SNX24: variants seen among roughly 807,000 people sequenced by gnomAD.
SNX24 encodes sorting nexin-24.
SNX24 carries 22 observed loss-of-function variants against 28.7 expected under a neutral mutation model. The ratio of observed to expected loss-of-function variants is 0.77; its 90% confidence interval spans 0.55 to 1.10. SNX24 has a LOEUF of 1.10. SNX24 is among the 50% of genes least tolerant of loss of function. The pLI, the probability that SNX24 is intolerant of heterozygous loss-of-function variation, is 0.00. For synonymous variants in SNX24, 69 were observed against 71.5 expected, an observed-to-expected ratio of 0.96 and a Z score of 0.18; for missense variants, 221 against 201.1, an observed-to-expected ratio of 1.10 and a Z score of -0.60.
chr5:122,938,328 T>A (rs577819924), intron 2 of SNX24, among the ~76,000 whole-genome samples: 1 of 152,324 alleles, frequency 6.6e-6, no homozygotes, highest in East Asian at 1.9e-4. Flanking sequence ...AATCCTAGAT[T>A]TTCCAGGATT....
chr5:122,888,185 G>T (rs1356269979), intron 1 of SNX24, among the ~76,000 whole-genome samples: 1 of 151,814 alleles, frequency 6.6e-6, no homozygotes, highest in East Asian at 1.9e-4. Context: ...TTGATTATTT[G>T]TTGACTGTTC....
intron 3 of SNX24, among the ~76,000 whole-genome samples, chr5:122,964,892 A>T (rs1478331108): frequency 1.3e-5 from 2 of 152,178 alleles, no homozygotes; most frequent in Non-Finnish European, 2.9e-5. Flanking sequence ...AATATCCTAT[A>T]CTGTGGATGC....
chr5:122,936,103 A>G (rs1395518095), intron 1 of SNX24, among the ~76,000 whole-genome samples: 5 of 152,228 alleles, frequency 3.3e-5, no homozygotes, highest in Non-Finnish European at 5.9e-5. Context: ...TAGTGCACCC[A>G]GAGAACCTTT....
At chr5:122,873,051 C>T (rs902691519) in intron 1 of SNX24, among the ~76,000 whole-genome samples, 5 of 152,116 alleles carry the variant, frequency 3.3e-5, no homozygotes, top group Non-Finnish European at 7.4e-5. Flanking sequence ...ACTGCAACCT[C>T]GACCTTCCAG....
Position 122,845,775 on chromosome 5 carries a change from C to T in SNX24, c.60+82C>T, listed in dbSNP as rs993012927. ...CCCAGGAAACACCCTTGGCCGCCGC[C>T]GCCTTGGCGCAGGGGGTCCCCTCGT... On this transcript the variant is annotated intron_variant, in intron 1 of 6. Transcript: ENST00000261369. 17 of 821,548 alleles carry T rather than the reference C, an allele frequency of 2.1e-5. No individual in the cohort carries two copies. The South Asian group carries it at 6.5e-4, about 31-fold the overall frequency. 50.9% of individuals were successfully genotyped at this position (821,548 alleles called of 1,614,324 possible). A position where few individuals can be genotyped will look rare whatever the true frequency, so the allele number is the denominator to read the frequency against.
chr5:122,975,011 C>T (rs573600505), intron 3 of SNX24, among the ~76,000 whole-genome samples: 7 of 152,180 alleles, frequency 4.6e-5, no homozygotes, highest in Non-Finnish European at 1.0e-4. Context: ...CCTCCGTAAG[C>T]CCCTACTTTA....
chr5:122,887,825 C>G (rs1370079186), intron 1 of SNX24, among the ~76,000 whole-genome samples: 2 of 152,170 alleles, frequency 1.3e-5, no homozygotes, highest in African/African-American at 4.8e-5. Context: ...GCTTCAGCCT[C>G]TGGAGTATCT....
chr5:122,898,268 C>T (rs977170468), intron 1 of SNX24, among the ~76,000 whole-genome samples: 1 of 152,180 alleles, frequency 6.6e-6, no homozygotes, highest in Non-Finnish European at 1.5e-5. Flanking sequence ...ACCCTATTTT[C>T]CCTGATACAC....
chr5:123,007,206 C>T (rs537495162), intron 6 of SNX24, among the ~76,000 whole-genome samples: 1 of 152,324 alleles, frequency 6.6e-6, no homozygotes, highest in South Asian at 2.1e-4. Context: ...TTACTGCTCT[C>T]TTTCGAAGCT....
chr5:122,909,068 T>C (rs1757769242), intron 1 of SNX24, among the ~76,000 whole-genome samples: 2 of 152,142 alleles, frequency 1.3e-5, no homozygotes, highest in African/African-American at 2.4e-5. Flanking sequence ...AATACTGTTA[T>C]AAAAAGACAT....
chr5:122,869,720 T>C (rs533702305), intron 1 of SNX24, among the ~76,000 whole-genome samples: 1 of 152,348 alleles, frequency 6.6e-6, no homozygotes, highest in Admixed American at 6.5e-5. Flanking sequence ...ATCTCATAAT[T>C]TGTATGGAAA....
At chr5:122,854,377 G>A (rs1046951772) in intron 1 of SNX24, among the ~76,000 whole-genome samples, 4 of 151,790 alleles carry the variant, frequency 2.6e-5, no homozygotes, top group Non-Finnish European at 5.9e-5. Flanking sequence ...GCGTGGTGGC[G>A]GGTGCCTGTA....
chr5:122,869,725 T>C (rs1755887530), intron 1 of SNX24, among the ~76,000 whole-genome samples: 1 of 152,236 alleles, frequency 6.6e-6, no homozygotes, highest in Non-Finnish European at 1.5e-5. Context: ...ATAATTTGTA[T>C]GGAAATCAAA....
chr5:122,883,649 CT>C (rs971891166), intron 1 of SNX24, among the ~76,000 whole-genome samples: 3 of 151,144 alleles, frequency 2.0e-5, no homozygotes, highest in Non-Finnish European at 4.4e-5. Flanking sequence ...ATTATTTATT[CT>C]TTTTTTTTGT....
chr5:122,988,881 A>C (rs1761711738), intron 3 of SNX24, among the ~76,000 whole-genome samples: 1 of 152,102 alleles, frequency 6.6e-6, no homozygotes, highest in Non-Finnish European at 1.5e-5. Context: ...CATGAACCTA[A>C]TTGCTTTTTT....
intron 2 of SNX24, among the ~76,000 whole-genome samples, chr5:122,937,271 G>A (rs1759219858): frequency 6.6e-6 from 1 of 152,118 alleles, no homozygotes; most frequent in Non-Finnish European, 1.5e-5. Context: ...ACATATACAT[G>A]TACTTGTATA....
At chr5:122,973,344 A>G (rs749767988) in intron 3 of SNX24, among the ~76,000 whole-genome samples, 6 of 152,210 alleles carry the variant, frequency 3.9e-5, no homozygotes, top group Admixed American at 6.5e-5. Flanking sequence ...AGTTCTGCCC[A>G]CTGGGAAGAT....
At chr5:122,967,954 C>T (rs2150144425) in intron 3 of SNX24, among the ~76,000 whole-genome samples, 1 of 152,206 alleles carries the variant, frequency 6.6e-6, no homozygotes, top group South Asian at 2.1e-4. Context: ...CCTTCGGACA[C>T]CAAGTGGGAA....
intron 1 of SNX24, among the ~76,000 whole-genome samples, chr5:122,911,938 G>A (rs1430908946): frequency 6.7e-6 from 1 of 149,178 alleles, no homozygotes; most frequent in South Asian, 2.2e-4. Context: ...GCTTAGGATT[G>A]ACTTGGCGAT....
Sources: allele counts gnomAD v4.1 joint callset (sites outside exome capture counted in the v4.1 genomes callset), GRCh38; gene constraint gnomAD v4.1.1; transcripts MANE v1.5; gene names NCBI Gene and HGNC (gene_info 2026-07-23, HGNC 2026-07-21).